The following KIAA1217 variants were observed in gnomAD, a reference collection of about 807,000 sequenced individuals.
KIAA1217 encodes the protein KIAA1217, also known as sickle tail protein homolog.
In KIAA1217, 88 loss-of-function variants were observed where a neutral mutation model predicts 163.9. The observed-to-expected ratio is 0.54, with a 90% CI of 0.45 to 0.64. The LOEUF (loss-of-function observed/expected upper bound fraction) is 0.64, where lower values mean the gene tolerates loss of function less well. Among genes scored for constraint, KIAA1217 ranks in the 30% least tolerant of loss-of-function variants. The pLI is 0.00. For missense variants in KIAA1217, 2,372 were observed against 2,475.0 expected (o/e 0.96, Z 0.88); for synonymous variants, 903 against 923.1 (o/e 0.98, Z 0.39).
intron 2 of KIAA1217, among the ~76,000 whole-genome samples, chr10:24,134,089 G>A (rs1163919409): frequency 1.3e-5 from 2 of 152,186 alleles, no homozygotes; most frequent in Non-Finnish European, 1.5e-5. Flanking sequence ...TACTCTGGGA[G>A]GTGAAATAGA....
At chr10:24,426,493 A>G (rs1354465107) in intron 3 of KIAA1217, among the ~76,000 whole-genome samples, 1 of 152,104 alleles carries the variant, frequency 6.6e-6, no homozygotes, top group Non-Finnish European at 1.5e-5. Context: ...ACATGGGGGC[A>G]TATACCTGTA....
At chr10:23,816,744 G>A (rs1419170401) in intron 1 of KIAA1217, among the ~76,000 whole-genome samples, 1 of 152,116 alleles carries the variant, frequency 6.6e-6, no homozygotes, top group Non-Finnish European at 1.5e-5. Flanking sequence ...ATTATAATTG[G>A]AAGGGCAATT....
At chr10:23,781,141 G>A (rs1189087718) in intron 1 of KIAA1217, among the ~76,000 whole-genome samples, 2 of 152,102 alleles carry the variant, frequency 1.3e-5, no homozygotes, top group African/African-American at 4.8e-5. Context: ...GGGATTATTG[G>A]GTCATGTAGT....
chr10:24,525,765 G>A (rs1252035072), intron 13 of KIAA1217, among the ~76,000 whole-genome samples: 3 of 152,126 alleles, frequency 2.0e-5, no homozygotes, highest in African/African-American at 4.8e-5. Context: ...GAGGCGGGTC[G>A]ATCACTGGAA....
intron 1 of KIAA1217, among the ~76,000 whole-genome samples, chr10:23,824,628 C>T: frequency 6.7e-5 from 2 of 29,770 alleles, no homozygotes; most frequent in Admixed American, 6.4e-4. Context: ...AACTCTGTCT[C>T]AAGAAAAAAA....
intron 2 of KIAA1217, among the ~76,000 whole-genome samples, chr10:24,143,419 A>G (rs2064171247): frequency 6.6e-6 from 1 of 152,088 alleles, no homozygotes; most frequent in Admixed American, 6.5e-5. Flanking sequence ...GGCGTGTGCC[A>G]CCACACCCAG....
chr10:23,829,962 C>G (rs1260184859), intron 1 of KIAA1217, among the ~76,000 whole-genome samples: 1 of 152,172 alleles, frequency 6.6e-6, no homozygotes, highest in Non-Finnish European at 1.5e-5. Context: ...AAAGAATTCT[C>G]TGTTGTACTA....
chr10:23,916,755 C>T (rs543484825), intron 1 of KIAA1217, among the ~76,000 whole-genome samples: 10 of 152,094 alleles, frequency 6.6e-5, no homozygotes, highest in Admixed American at 3.3e-4. Context: ...GGGCAGATCA[C>T]GAGGTCAGAA....
chr10:23,830,656 A>T (rs537354692), intron 1 of KIAA1217, among the ~76,000 whole-genome samples: 50 of 149,640 alleles, frequency 3.3e-4, no homozygotes, highest in Non-Finnish European at 4.9e-4. Context: ...TTGATAGAAA[A>T]TGAGAAATCA....
chr10:24,196,491 G>C (rs545020239), intron 2 of KIAA1217, among the ~76,000 whole-genome samples: 1 of 152,170 alleles, frequency 6.6e-6, no homozygotes, highest in African/African-American at 2.4e-5. Flanking sequence ...CCTGATTCTT[G>C]CTGTACCAAG....
chr10:24,421,281 C>T (rs920158427), intron 3 of KIAA1217, among the ~76,000 whole-genome samples: 5 of 152,210 alleles, frequency 3.3e-5, no homozygotes, highest in Non-Finnish European at 7.3e-5. Flanking sequence ...GCTGGGATTA[C>T]AGACGTGAAC....
At chr10:23,963,276 C>T (rs541900743) in intron 1 of KIAA1217, among the ~76,000 whole-genome samples, 4 of 152,266 alleles carry the variant, frequency 2.6e-5, no homozygotes, top group Admixed American at 2.6e-4. Context: ...GTCCCCCACC[C>T]CTTGAGAGGC....
rs137926732 is a variant in KIAA1217, at chr10:24,302,928, G to C, written c.355-77941G>C. ...GGACTGAGGGACCATATGGGGGTGG[G>C]ACATAGTCAAGGTCAAGGTCATGTA... On this transcript the variant is annotated intron_variant, in intron 2 of 20. Transcript: ENST00000376454. 2.8e-3 allele frequency among the ~76,000 whole-genome samples: 431 copies of C among 152,258 alleles called. 4 individuals carry two copies. The highest frequency in any genetic ancestry group is 9.6e-3 in the African/African-American group (399 of 41,570).
intron 14 of KIAA1217, among the ~76,000 whole-genome samples, chr10:24,529,317 C>T (rs560681876): frequency 1.9e-4 from 29 of 152,198 alleles, no homozygotes; most frequent in African/African-American, 7.0e-4. Flanking sequence ...ACTTTACGGG[C>T]CAGAACACTT....
chr10:23,857,300 C>T (rs1314504705), intron 1 of KIAA1217, among the ~76,000 whole-genome samples: 2 of 152,118 alleles, frequency 1.3e-5, no homozygotes, highest in African/African-American at 4.8e-5. Context: ...TTTTTGTCAC[C>T]TCTTCTGAGC....
intron 3 of KIAA1217, among the ~76,000 whole-genome samples, chr10:24,397,463 A>G (rs1180960937): frequency 1.3e-5 from 2 of 152,150 alleles, no homozygotes; most frequent in African/African-American, 2.4e-5. Context: ...CACTCATTCT[A>G]TGCTAGGCGG....
intron 6 of KIAA1217, among the ~76,000 whole-genome samples, chr10:24,483,676 T>G (rs896110855): frequency 3.3e-5 from 5 of 152,152 alleles, no homozygotes; most frequent in African/African-American, 9.7e-5. Flanking sequence ...CCATCTCTCC[T>G]GACACCGTCT....
chr10:24,257,702 G>C (rs571962533), intron 2 of KIAA1217, among the ~76,000 whole-genome samples: 9 of 152,150 alleles, frequency 5.9e-5, no homozygotes, highest in Non-Finnish European at 1.3e-4. Context: ...ATCCAGGAGC[G>C]TGCCAGTACT....
chr10:24,204,278 G>T (rs940961656), upstream of KIAA1217, among the ~76,000 whole-genome samples: 1 of 152,062 alleles, frequency 6.6e-6, no homozygotes, highest in Non-Finnish European at 1.5e-5. Context: ...AGGGAAGATT[G>T]GTTACCCTCT....
Sources: gnomAD v4.1 joint callset for allele counts (sites outside exome capture counted in the v4.1 genomes callset) on GRCh38, gnomAD v4.1.1 for gene constraint, MANE v1.5 for transcripts, NCBI Gene and HGNC (gene_info 2026-07-23, HGNC 2026-07-21) for gene names.